The following KCNC3 variants were observed in gnomAD, a reference collection of about 807,000 sequenced individuals.
The protein encoded by KCNC3 is potassium voltage-gated channel subfamily C member 3, also known as voltage-gated potassium channel KCNC3.
In KCNC3, 22 loss-of-function variants were observed where a neutral mutation model predicts 43.9. The observed-to-expected ratio is 0.50, with a 90% confidence interval of 0.36 to 0.72. The LOEUF is 0.72. Among genes scored for constraint, KCNC3 ranks in the 30% least tolerant of loss-of-function variants. KCNC3 has a pLI of 0.00. For synonymous variants in KCNC3, 492 were observed against 488.0 expected (o/e 1.01, Z -0.11); for missense variants, 829 against 1,073.8 (o/e 0.77, Z 3.19).
chr19:50,333,475 C>T (rs1223158641), upstream of KCNC3: 14 of 197,242 alleles, frequency 7.1e-5, no homozygotes, highest in Admixed American at 2.6e-4. Context: ...TTACCAATTA[C>T]AGCCACCCCC....
chr19:50,323,294 C>T lies in KCNC3; in HGVS notation c.1659G>A (p.Gln553=), dbSNP rs779430597. The T allele has an allele frequency of 6.2e-7, 1 of 1,610,850 alleles. No individual in the cohort carries two copies. The highest frequency in any genetic ancestry group is 8.5e-7 in the Non-Finnish European group (1 of 1,180,014). Residue 553 remains glutamine (Q), a synonymous_variant, in exon 2 of 5, where the codon CAG becomes CAA. Transcript: ENST00000477616. ...GMYYSLAMAK[Q]KLPKKKNKHI... is the part of the protein sequence containing the mutation. ...GTTTGTTCTTCTTCTTGGGCAGCTTCTGCTTGGCCATGGCCAGCGAATAGT... is the reference window on the plus strand; with the variant it reads ...GTTTGTTCTTCTTCTTGGGCAGCTTTTGCTTGGCCATGGCCAGCGAATAGT...
At chr19:50,322,181 C>T (rs996711833) in intron 2 of KCNC3, among the ~76,000 whole-genome samples, 14 of 152,138 alleles carry the variant, frequency 9.2e-5, no homozygotes, top group Non-Finnish European at 7.4e-5. Flanking sequence ...CTCCTTCCTC[C>T]TAGACTCCCA....
At chr19:50,321,022 CTGGGAAGGGCGACTGCAGT>C (rs139074881) in intron 2 of KCNC3, among the ~76,000 whole-genome samples, 8,794 of 148,742 alleles carry the variant, frequency 0.059, 616 homozygotes, top group African/African-American at 0.16. Flanking sequence ...GGGTTGAGTG[CTGGGAAGGGCGACTGCAGT>C]TGGGAAGGGT....
chr19:50,318,991 C>CAAAAAAAAAAAAAAAAA (rs11326559), intron 4 of KCNC3, among the ~76,000 whole-genome samples: 4 of 71,460 alleles, frequency 5.6e-5, no homozygotes, highest in Admixed American at 1.8e-4. Context: ...AAGACAGTCT[C>CAAAAAAAAAAAAAAAAA]AAAAAAAAAA....
rs753445799 is a variant in KCNC3, at chr19:50,314,862, T to C, written c.*1253A>G. 10 of 283,332 alleles carry C rather than the reference T, an allele frequency of 3.5e-5. No homozygotes were observed. Among genetic ancestry groups the C allele is most frequent in the South Asian group, 1.6e-4 (6 of 37,552 alleles). 17.6% of individuals were successfully genotyped at this position (283,332 alleles called of 1,614,324 possible). A position where few individuals can be genotyped will look rare whatever the true frequency, so the allele number is the denominator to read the frequency against. ...CAGGGGGGAGGGGAGCGCTAAAGGA[T>C]GGAGGGCAGGGTCGGGGGAGCGCGG... On this transcript the variant is annotated 3_prime_UTR_variant, in exon 5 of 5. Coordinates refer to ENST00000477616, the MANE Select transcript of KCNC3 (RefSeq NM_004977.3).
chr19:50,314,706 G>T lies in KCNC3; in HGVS notation c.*1409C>A, dbSNP rs565111664. 2.3e-6 allele frequency: 1 copy of T among 437,996 alleles called. No individual in the cohort carries two copies. Among genetic ancestry groups the T allele is most frequent in the South Asian group, 1.6e-5 (1 of 63,372 alleles). The allele number at this position is 437,996 out of a possible 1,614,324, so 27.1% of individuals were successfully genotyped here. ...CAGGTTGGGGGTGAGGGGCCCGGGG[G>T]TGTCTGCTGGCATCGTCATCTCGGT... On this transcript the variant is annotated 3_prime_UTR_variant, in exon 5 of 5. Transcript: ENST00000477616.
chr19:50,328,888 G>T lies in KCNC3; in HGVS notation c.195C>A (p.Arg65=). The change falls in exon 1 of 5, where the codon CGC becomes CGA. Residue 65 remains arginine, a synonymous_variant. Coordinates refer to ENST00000477616, the MANE Select transcript of KCNC3 (RefSeq NM_004977.3). The stretch of plus-strand genomic sequence containing the variant: ...CCGGCAGCCCGGGGCATGGCTCGGC[G>T]CGCCGGTCCCCGGGCCCGCGGGGTG... ...PPAPRGPGDR[R]AEPCPGLPAA... 1 of 1,052,276 alleles carries T rather than the reference G, an allele frequency of 9.5e-7. No homozygotes were observed. Among genetic ancestry groups the T allele is most frequent in the Non-Finnish European group, 1.1e-6 (1 of 872,076 alleles). 65.2% of individuals were successfully genotyped at this position (1,052,276 alleles called of 1,614,324 possible). A position where few individuals can be genotyped will look rare whatever the true frequency, so the allele number is the denominator to read the frequency against.
chr19:50,316,474 C>T (rs1051712282), intron 4 of KCNC3, among the ~76,000 whole-genome samples: 1 of 152,012 alleles, frequency 6.6e-6, no homozygotes, highest in Non-Finnish European at 1.5e-5. Flanking sequence ...GGCGCAGTGG[C>T]TCAGACCTGT....
chr19:50,320,297 TGG>T lies in KCNC3; in HGVS notation c.2221_2222del (p.Pro741LysfsTer119). On this transcript the variant is annotated frameshift_variant, in exon 4 of 5. Coordinates refer to ENST00000477616, the MANE Select transcript of KCNC3 (RefSeq NM_004977.3). LOFTEE classifies it high-confidence loss of function. ...PPQDWRKPGP[P>X]SFLPDLNANA... ...TGGCGTTGAGGTCGGGCAAGAAGCT[TGG>T]GGGGCCTGGCTTACGCCAGTCTTGG... The T allele has an allele frequency of 2.7e-6, 2 of 739,180 alleles. No homozygotes were observed. The highest frequency in any genetic ancestry group is 3.6e-6 in the Non-Finnish European group (2 of 561,900). 45.8% of individuals were successfully genotyped at this position (739,180 alleles called of 1,614,324 possible).
intron 1 of KCNC3, among the ~76,000 whole-genome samples, chr19:50,325,231 G>T (rs984868385): frequency 6.6e-6 from 1 of 152,270 alleles, no homozygotes; most frequent in African/African-American, 2.4e-5. Context: ...ATGCAGAGGG[G>T]TGGGAGGGGA....
intron 4 of KCNC3, among the ~76,000 whole-genome samples, chr19:50,316,357 TC>T (rs1301660063): frequency 2.7e-5 from 4 of 150,268 alleles, no homozygotes; most frequent in Non-Finnish European, 5.9e-5. Context: ...GAGCCAGTGA[TC>T]AGGTGAGGGC....
intron 1 of KCNC3, among the ~76,000 whole-genome samples, chr19:50,327,463 G>T (rs549166095): frequency 5.3e-5 from 8 of 152,244 alleles, no homozygotes; most frequent in African/African-American, 1.9e-4. Flanking sequence ...AAAATGTCCA[G>T]GCAAGAACAA....
chr19:50,331,644 A>G (rs574624592), upstream of KCNC3, among the ~76,000 whole-genome samples: 1 of 138,722 alleles, frequency 7.2e-6, no homozygotes, highest in African/African-American at 2.7e-5. Context: ...TCTCTGGTGT[A>G]TTTCCCCCTC....
At chr19:50,330,442 A>G (rs879181772), upstream of KCNC3, among the ~76,000 whole-genome samples, 2 of 151,958 alleles carry the variant, frequency 1.3e-5, no homozygotes, top group African/African-American at 4.8e-5. Context: ...CAATGAGACT[A>G]CAAAGAGTAC....
In KCNC3 at chr19:50,320,671, G is replaced by A. The variant is rs780943930; in HGVS notation, c.2092C>T (p.Arg698Cys). Reference sequence around the variant, plus strand: ...GCTCGGTCCCGGCTATAGCGGCCACGGCTTCCAGGCGTGATGGGGCTCTTG... The same window carrying A: ...GCTCGGTCCCGGCTATAGCGGCCACAGCTTCCAGGCGTGATGGGGCTCTTG... The part of the protein sequence containing the change: ...EDKSPITPGS[R>C]GRYSRDRACF... Residue 698 changes from arginine (R) to cysteine (C), a missense_variant, in exon 3 of 5, where the codon CGT (arginine) becomes TGT (cysteine). By Grantham distance (180) the Arg-to-Cys change is radical. Transcript: ENST00000477616. The A allele has an allele frequency of 6.2e-6, 10 of 1,613,746 alleles. No individual in the cohort carries two copies. The South Asian group carries it at 6.6e-5, about 11-fold the overall frequency.
chr19:50,317,968 T>C lies in KCNC3; in HGVS notation c.*24-1877A>G, dbSNP rs769577419. Among the ~76,000 whole-genome samples, 32 of 151,862 alleles carry C rather than the reference T, an allele frequency of 2.1e-4. 1 individual carries two copies. The highest frequency in any genetic ancestry group is 4.0e-4 in the Non-Finnish European group (27 of 67,972). On this transcript the variant is annotated intron_variant, in intron 4 of 4. Transcript: ENST00000477616. ...GCATGCACCACCACACCTAAGTTTT[T>C]TGGTTTTGAGGAAATGGTCTTGCTC...
upstream of KCNC3, among the ~76,000 whole-genome samples, chr19:50,331,532 C>G (rs2603058): frequency 0.015 from 1,809 of 117,892 alleles, 77 homozygotes; most frequent in African/African-American, 0.061. Context: ...GTATTTCCCC[C>G]TCCTTCTTCC....
In KCNC3 at chr19:50,324,145, T is replaced by C; in HGVS notation, c.871-63A>G. On this transcript the variant is annotated intron_variant, in intron 1 of 4. Transcript: ENST00000477616. The surrounding 1 kb of genome is among the most constrained non-coding windows in gnomAD (Gnocchi z 4.1). ...CCTAGGCATCAGGTTGGCCATAACATCCAGAAGACCCTTCCAGTGCCCCCT... is the reference window on the plus strand; with the variant it reads ...CCTAGGCATCAGGTTGGCCATAACACCCAGAAGACCCTTCCAGTGCCCCCT... The C allele has an allele frequency of 3.4e-6, 5 of 1,491,746 alleles. No individual in the cohort carries two copies. Among genetic ancestry groups the C allele is most frequent in the Non-Finnish European group, 4.5e-6 (5 of 1,113,924 alleles). The allele number at this position is 1,491,746 out of a possible 1,614,324, so 92.4% of individuals were successfully genotyped here. A position where few individuals can be genotyped will look rare whatever the true frequency, so the allele number is the denominator to read the frequency against.
chr19:50,322,198 T>C (rs2037042724), intron 2 of KCNC3, among the ~76,000 whole-genome samples: 1 of 152,142 alleles, frequency 6.6e-6, no homozygotes, highest in Non-Finnish European at 1.5e-5. Context: ...CCCAAGCCAC[T>C]GCCTCTGAGG....
Sources: allele counts gnomAD v4.1 joint callset (sites outside exome capture counted in the v4.1 genomes callset), GRCh38; gene constraint gnomAD v4.1.1; non-coding constraint Gnocchi (gnomAD v3.1); transcripts MANE v1.5; gene names NCBI Gene and HGNC (gene_info 2026-07-23, HGNC 2026-07-21).